Variants in NDUFAF2 observed in about 807,000 individuals in gnomAD.
The protein encoded by NDUFAF2 is NADH dehydrogenase [ubiquinone] 1 alpha subcomplex assembly factor 2.
A neutral mutation model predicts 22.8 loss-of-function variants in NDUFAF2; 13 were observed. The observed-to-expected ratio is 0.57, with a 90% CI of 0.37 to 0.91. NDUFAF2 has a LOEUF of 0.91. Ranked by LOEUF, NDUFAF2 falls within the 40% of genes least tolerant of loss-of-function variation. The probability of loss-of-function intolerance (pLI) is 0.01; values close to 1 mark genes in which losing one functional copy is unlikely to be tolerated. For synonymous variants in NDUFAF2, 53 were observed against 64.2 expected (o/e 0.83, Z 0.84); for missense variants, 162 against 195.2 (o/e 0.83, Z 1.01).
At chr5:60,985,974 G>A (rs992404814) in intron 1 of NDUFAF2, among the ~76,000 whole-genome samples, 27 of 152,298 alleles carry the variant, frequency 1.8e-4, no homozygotes, top group African/African-American at 6.5e-4. Context: ...TAAATGGCTT[G>A]TGTCCAAAAG....
chr5:61,101,783 TC>T (rs1752708186), intron 3 of NDUFAF2, among the ~76,000 whole-genome samples: 1 of 152,136 alleles, frequency 6.6e-6, no homozygotes, highest in South Asian at 2.1e-4. Flanking sequence ...ATGTGCAAGA[TC>T]TGTGTACTCA....
At chr5:60,973,550 C>T (rs1156681419) in intron 1 of NDUFAF2, among the ~76,000 whole-genome samples, 1 of 152,142 alleles carries the variant, frequency 6.6e-6, no homozygotes, top group African/African-American at 2.4e-5. Context: ...CTTGATGAAT[C>T]TACCAGAAAG....
At chr5:60,985,707 G>A (rs963934888) in intron 1 of NDUFAF2, among the ~76,000 whole-genome samples, 1 of 152,100 alleles carries the variant, frequency 6.6e-6, no homozygotes, top group African/African-American at 2.4e-5. Flanking sequence ...GAGTGGTTTT[G>A]AATGAGTTTC....
At chr5:61,056,821 C>T (rs1172687663) in intron 1 of NDUFAF2, among the ~76,000 whole-genome samples, 3 of 134,400 alleles carry the variant, frequency 2.2e-5, no homozygotes, top group Non-Finnish European at 4.6e-5. Context: ...CCAAGGAGGC[C>T]GAGGTTGCGG....
chr5:61,129,395 A>G (rs1259182014), intron 3 of NDUFAF2, among the ~76,000 whole-genome samples: 2 of 152,186 alleles, frequency 1.3e-5, no homozygotes, highest in Non-Finnish European at 2.9e-5. Context: ...ACCAACCCAA[A>G]TGTCCAACAA....
intron 3 of NDUFAF2, among the ~76,000 whole-genome samples, chr5:61,121,100 A>G (rs1238348727): frequency 2.0e-5 from 3 of 152,116 alleles, no homozygotes; most frequent in East Asian, 1.9e-4. Context: ...CTCTGATCTT[A>G]TATCTTTAGG....
At chr5:61,129,653 GA>G (rs1443699104) in intron 3 of NDUFAF2, among the ~76,000 whole-genome samples, 1 of 136,612 alleles carries the variant, frequency 7.3e-6, no homozygotes, top group East Asian at 2.5e-4. Flanking sequence ...GGGGTAGGGG[GA>G]GGGGGGAGGG....
intron 3 of NDUFAF2, among the ~76,000 whole-genome samples, chr5:61,126,774 A>C (rs1280720228): frequency 3.3e-5 from 5 of 152,002 alleles, no homozygotes; most frequent in African/African-American, 1.2e-4. Flanking sequence ...GTTGCCTCTG[A>C]ATTTAAGAAG....
chr5:60,981,812 G>A (rs1157462715), intron 1 of NDUFAF2, among the ~76,000 whole-genome samples: 1 of 152,058 alleles, frequency 6.6e-6, no homozygotes, highest in Admixed American at 6.6e-5. Context: ...CATCCACAGT[G>A]AACTCATTTT....
At position 61,020,547 on chromosome 5, in the gene NDUFAF2, ATGTGTGTG is replaced by A. The variant is rs68178917; in HGVS notation, c.128-52558_128-52551del. ...TATTTTGAACTGTGTGGGTTTTGTT[ATGTGTGTG>A]TGTGTGTGTGTGTGTGTGTACACAT... On this transcript the variant is annotated intron_variant, in intron 1 of 3. Transcript: ENST00000296597. Among the ~76,000 whole-genome samples, 64 of 148,038 alleles carry A rather than the reference ATGTGTGTG, an allele frequency of 4.3e-4. No homozygotes were observed. The South Asian group carries it at 7.1e-3, about 17-fold the overall frequency.
chr5:60,992,126 A>C (rs1751166563), intron 1 of NDUFAF2, among the ~76,000 whole-genome samples: 1 of 152,016 alleles, frequency 6.6e-6, no homozygotes, highest in South Asian at 2.1e-4. Context: ...ATCTTTGCCC[A>C]TTTTTTGATC....
intron 1 of NDUFAF2, among the ~76,000 whole-genome samples, chr5:61,045,394 G>A (rs1751941085): frequency 6.7e-6 from 1 of 150,018 alleles, no homozygotes; most frequent in Admixed American, 6.6e-5. Flanking sequence ...TCTTCAGTGT[G>A]CAGGTTTTTT....
intron 1 of NDUFAF2, among the ~76,000 whole-genome samples, chr5:60,983,754 G>A (rs1192901664): frequency 6.7e-6 from 1 of 150,058 alleles, no homozygotes; most frequent in Admixed American, 6.6e-5. Context: ...TGTTCCATTG[G>A]TCTATATCTC....
chr5:61,129,749 A>T (rs1753085307), intron 3 of NDUFAF2, among the ~76,000 whole-genome samples: 1 of 152,116 alleles, frequency 6.6e-6, no homozygotes, highest in African/African-American at 2.4e-5. Flanking sequence ...TATGTAACAA[A>T]CCTGCACGTT....
chr5:61,006,964 G>A (rs550666213), intron 1 of NDUFAF2, among the ~76,000 whole-genome samples: 56 of 151,946 alleles, frequency 3.7e-4, no homozygotes, highest in Admixed American at 7.9e-4. Flanking sequence ...CTTAAAGAAC[G>A]GATTTTTTTT....
chr5:61,073,289 A>G, intron 2 of NDUFAF2, 75 bp downstream of exon 2: 1 of 1,081,168 alleles, frequency 9.2e-7, no homozygotes, highest in Non-Finnish European at 1.4e-6. Flanking sequence ...AAGAGCATAT[A>G]TAGTTATATA....
chr5:60,994,112 G>A (rs181663699), intron 1 of NDUFAF2, among the ~76,000 whole-genome samples: 78 of 152,348 alleles, frequency 5.1e-4, no homozygotes, highest in Admixed American at 2.3e-3. Context: ...GGTGGCGGGG[G>A]CTGGCATGTC....
chr5:60,963,178 C>G (rs535844732), intron 1 of NDUFAF2, among the ~76,000 whole-genome samples: 7 of 152,238 alleles, frequency 4.6e-5, no homozygotes, highest in African/African-American at 1.7e-4. Context: ...GCCACTGCAC[C>G]CAGCCAAGAT....
intron 3 of NDUFAF2, among the ~76,000 whole-genome samples, chr5:61,140,991 G>A (rs981758772): frequency 6.6e-6 from 1 of 152,202 alleles, no homozygotes; most frequent in African/African-American, 2.4e-5. Flanking sequence ...CACTTTGGGA[G>A]GCCAAGGCGG....
Sources: gnomAD v4.1 joint callset for allele counts (sites outside exome capture counted in the v4.1 genomes callset) on GRCh38, gnomAD v4.1.1 for gene constraint, MANE v1.5 for transcripts, NCBI Gene and HGNC (gene_info 2026-07-23, HGNC 2026-07-21) for gene names.